EFCAB5: variants seen among roughly 807,000 people sequenced by gnomAD.
EFCAB5 encodes the protein EF-hand calcium binding domain 5.
In EFCAB5, 131 loss-of-function variants were observed where a neutral mutation model predicts 167.9. The observed-to-expected ratio is 0.78, with a 90% CI of 0.68 to 0.90. The LOEUF (loss-of-function observed/expected upper bound fraction) is 0.90. EFCAB5 is among the 40% of genes least tolerant of loss of function. EFCAB5 has a pLI of 0.00. For missense variants in EFCAB5, 1,663 were observed against 1,745.2 expected (o/e 0.95, Z 0.84); for synonymous variants, 574 against 602.8 (o/e 0.95, Z 0.70).
rs768627573 is a variant in EFCAB5, at chr17:30,055,920, C to G, written c.2227C>G (p.Pro743Ala). 1 of 1,613,496 alleles carries G rather than the reference C, an allele frequency of 6.2e-7. No individual in the cohort carries two copies. The highest frequency in any genetic ancestry group is 1.3e-5 in the African/African-American group (1 of 74,904). The change falls in exon 11 of 23, where the codon CCC becomes GCC. Residue 743 changes from proline to alanine, a missense_variant. Pro to Ala is a conservative substitution (Grantham distance 27). Transcript: ENST00000394835. ...TTKKEVQKDK[P>A]CEPKSQKIEG... ...AAAAAAGGAAGTTCAGAAAGACAAG[C>G]CCTGTGAACCCAAGTCCCAAAAAAT...
intron 14 of EFCAB5, among the ~76,000 whole-genome samples, chr17:30,062,049 A>G (rs968920987): frequency 2.0e-5 from 3 of 152,324 alleles, no homozygotes; most frequent in Admixed American, 2.0e-4. Context: ...TTAATTTTCT[A>G]TTTAAATGAC....
At chr17:29,938,142 G>A, upstream of EFCAB5, among the ~76,000 whole-genome samples, 1 of 152,078 alleles carries the variant, frequency 6.6e-6, no homozygotes, top group Non-Finnish European at 1.5e-5. Context: ...GATATTTTGG[G>A]TTTGGTTCCA....
intron 22 of EFCAB5, among the ~76,000 whole-genome samples, chr17:30,096,678 T>TATATATATATATATATA (rs1491331465): frequency 7.4e-5 from 3 of 40,772 alleles, no homozygotes; most frequent in African/African-American, 4.1e-4. Flanking sequence ...TATATATATA[T>TATATATATATATATATA]TTTTTTTTTT....
At chr17:29,991,246 T>G (rs2151631963) in intron 4 of EFCAB5, among the ~76,000 whole-genome samples, 1 of 152,254 alleles carries the variant, frequency 6.6e-6, no homozygotes, top group South Asian at 2.1e-4. Context: ...GCCCCATGTA[T>G]GGGCGCCATT....
In EFCAB5 at chr17:30,008,221, TAAAC is replaced by T. The variant is rs529899639; in HGVS notation, c.1044+8249_1044+8252del. Among the ~76,000 whole-genome samples the T allele has an allele frequency of 6.3e-3, 964 of 152,148 alleles. 5 individuals carry two copies. The highest frequency in any genetic ancestry group is 0.022 in the African/African-American group (925 of 41,500). On this transcript the variant is annotated intron_variant, in intron 7 of 22. Transcript: ENST00000394835. ...CAGATACATTAAATAAACAAGTAAATAAACAAAAAGCAGATTTCAAGGTTAAAAA... is the reference window on the plus strand; with the variant it reads ...CAGATACATTAAATAAACAAGTAAATAAAAAGCAGATTTCAAGGTTAAAAA...
intron 8 of EFCAB5, 123 bp downstream of exon 8, chr17:30,034,508 G>C (rs2069566957): frequency 8.6e-7 from 1 of 1,164,268 alleles, no homozygotes. Context: ...AGACCAGCCT[G>C]GACAACATGG....
intron 14 of EFCAB5, among the ~76,000 whole-genome samples, chr17:30,077,574 T>C (rs971438242): frequency 1.3e-5 from 2 of 152,134 alleles, no homozygotes; most frequent in African/African-American, 4.8e-5. Flanking sequence ...AGTAGGTTCA[T>C]GATTATACAA....
At chr17:30,011,235 G>T (rs545166813) in intron 7 of EFCAB5, among the ~76,000 whole-genome samples, 1 of 152,176 alleles carries the variant, frequency 6.6e-6, no homozygotes. Flanking sequence ...AAGTCAGGTA[G>T]CATGATGCCT....
chr17:30,066,169 C>T (rs1299925965), intron 14 of EFCAB5, among the ~76,000 whole-genome samples: 2 of 151,672 alleles, frequency 1.3e-5, no homozygotes, highest in East Asian at 3.9e-4. Flanking sequence ...TTTTTTCAGC[C>T]CATGGAACAT....
Position 30,078,214 on chromosome 17 carries a change from G to C in EFCAB5, c.2738-1G>C. 6.2e-7 allele frequency: 1 copy of C among 1,605,986 alleles called. No homozygotes were observed. The highest frequency in any genetic ancestry group is 1.3e-5 in the African/African-American group (1 of 74,752). ...CTTGGTTTCGTGTTTGTGTCTTTTAGCTAAACTACACATCCAATTTCCAAA... is the reference window on the plus strand; with the variant it reads ...CTTGGTTTCGTGTTTGTGTCTTTTACCTAAACTACACATCCAATTTCCAAA... On this transcript the variant is annotated splice_acceptor_variant, in intron 14 of 22. Transcript: ENST00000394835. LOFTEE classifies it high-confidence loss of function.
intron 8 of EFCAB5, 31 bp from the exon 9 acceptor site, chr17:30,051,087 C>A: frequency 6.2e-7 from 1 of 1,603,888 alleles, no homozygotes; most frequent in Non-Finnish European, 8.5e-7. Context: ...TCTCCTGTAA[C>A]AACTAATCAC....
intron 14 of EFCAB5, among the ~76,000 whole-genome samples, chr17:30,071,026 T>C (rs2070723749): frequency 6.8e-6 from 1 of 147,558 alleles, no homozygotes; most frequent in African/African-American, 2.5e-5. Flanking sequence ...CCCTAGACTA[T>C]GAAACTACTG....
rs369813528 is a variant in EFCAB5 at position 30,078,301 on chromosome 17, G to A, written c.2824G>A (p.Val942Ile). The change falls in exon 15 of 23, where the codon GTT becomes ATT. Residue 942 changes from valine to isoleucine, a missense_variant. By Grantham distance (29) the Val-to-Ile change is conservative. Coordinates refer to ENST00000394835, the MANE Select transcript of EFCAB5 (RefSeq NM_198529.4). The part of the protein sequence containing the change: ...SKQFQNYIEL[V>I]VSELRGNEDQ... ...ACAATTTCAGAATTACATAGAATTG[G>A]TTGTGTCTGAACTCAGGGGCAATGA... is the stretch of plus-strand genomic sequence containing the variant. 3 of 1,614,018 alleles carry A rather than the reference G, an allele frequency of 1.9e-6. No homozygotes were observed. The highest frequency in any genetic ancestry group is 1.7e-6 in the Non-Finnish European group (2 of 1,179,888).
At chr17:29,947,864 C>T (rs944358780) in intron 3 of EFCAB5, among the ~76,000 whole-genome samples, 2 of 152,102 alleles carry the variant, frequency 1.3e-5, no homozygotes, top group South Asian at 2.1e-4. Context: ...CTTGCTCTGT[C>T]GTCCAGGCTG....
chr17:29,978,987 G>A (rs2068116781), intron 4 of EFCAB5, among the ~76,000 whole-genome samples: 1 of 152,152 alleles, frequency 6.6e-6, no homozygotes, highest in African/African-American at 2.4e-5. Context: ...TGCTTACTCT[G>A]TTGGCCTCTG....
intron 7 of EFCAB5, among the ~76,000 whole-genome samples, chr17:30,001,727 T>A (rs1466449607): frequency 6.6e-6 from 1 of 152,232 alleles, no homozygotes; most frequent in Non-Finnish European, 1.5e-5. Flanking sequence ...CAATTTTAAA[T>A]CCACAATTTA....
intron 22 of EFCAB5, among the ~76,000 whole-genome samples, chr17:30,106,583 A>G (rs2071451911): frequency 6.6e-6 from 1 of 152,076 alleles, no homozygotes; most frequent in South Asian, 2.1e-4. Flanking sequence ...CAGCTTCCCA[A>G]GTAGCTGGGA....
intron 8 of EFCAB5, among the ~76,000 whole-genome samples, chr17:30,048,625 G>C (rs938822559): frequency 1.3e-5 from 2 of 151,846 alleles, no homozygotes; most frequent in Non-Finnish European, 2.9e-5. Context: ...CTCCCAAGTA[G>C]TTAGGACACG....
intron 3 of EFCAB5, among the ~76,000 whole-genome samples, chr17:29,957,747 G>A (rs2067646024): frequency 6.6e-6 from 1 of 152,126 alleles, no homozygotes; most frequent in Non-Finnish European, 1.5e-5. Context: ...TATTTGGGTT[G>A]ATTCCATGTC....
Sources: allele counts gnomAD v4.1 joint callset (sites outside exome capture counted in the v4.1 genomes callset), GRCh38; gene constraint gnomAD v4.1.1; transcripts MANE v1.5; gene names NCBI Gene and HGNC (gene_info 2026-07-23, HGNC 2026-07-21).